Variants in OSBPL3 observed in about 807,000 individuals in gnomAD.
OSBPL3 encodes oxysterol-binding protein-related protein 3.
OSBPL3 carries 65 observed loss-of-function variants against 120.1 expected under a neutral mutation model. The observed-to-expected ratio is 0.54, with a 90% CI of 0.44 to 0.67. The LOEUF is 0.67. Among genes scored for constraint, OSBPL3 ranks in the 30% least tolerant of loss-of-function variants. OSBPL3 has a pLI of 0.00. For synonymous variants in OSBPL3, 416 were observed against 402.6 expected, an observed-to-expected ratio of 1.03 and a Z score of -0.40; for missense variants, 1,004 against 1,082.1, an observed-to-expected ratio of 0.93 and a Z score of 1.01.
At chr7:24,906,431 TGCA>T (rs1807931535) in intron 1 of OSBPL3, 1 of 233,090 alleles carries the variant, frequency 4.3e-6, no homozygotes, top group East Asian at 1.2e-4. Flanking sequence ...CTTGTTGAAG[TGCA>T]GCCATTGTTT....
Position 24,955,001 on chromosome 7 carries a change from C to G in OSBPL3, c.-150+24885G>C, listed in dbSNP as rs1814872219. Among the ~76,000 whole-genome samples the G allele has an allele frequency of 6.6e-6, 1 of 152,078 alleles. No homozygotes were observed. Among genetic ancestry groups the G allele is most frequent in the African/African-American group, 2.4e-5 (1 of 41,402 alleles). ...TGATCATGCCCTCCATAATCACAGC[C>G]TCAAAGATCCATAATGTGCCTTGGT... is the stretch of plus-strand genomic sequence containing the variant. On this transcript the variant is annotated intron_variant, in intron 1 of 22. Transcript: ENST00000313367. This position sits in a 1 kb window ranked among gnomAD's most constrained non-coding sequence, Gnocchi z 4.3.
rs759307944 is a variant in OSBPL3, at chr7:24,952,162, G to C, written c.-150+27724C>G. On this transcript the variant is annotated intron_variant, in intron 1 of 22. Coordinates refer to ENST00000313367, the MANE Select transcript of OSBPL3 (RefSeq NM_015550.4). The surrounding 1 kb of genome is among the most constrained non-coding windows in gnomAD (Gnocchi z 4.4). ...TCTTAGTCTTGGAATGCAATAGGCA[G>C]GAGGCACTTGAACTACCCAGACACT... is the stretch of plus-strand genomic sequence containing the variant. 6.6e-6 allele frequency among the ~76,000 whole-genome samples: 1 copy of C among 152,204 alleles called. No individual in the cohort carries two copies. Among genetic ancestry groups the C allele is most frequent in the Non-Finnish European group, 1.5e-5 (1 of 68,038 alleles).
rs1808952466 is a variant in OSBPL3, at chr7:24,912,400, C to T, written c.-149-19779G>A. Among the ~76,000 whole-genome samples the T allele has an allele frequency of 6.6e-6, 1 of 152,204 alleles. No individual in the cohort carries two copies. Among genetic ancestry groups the T allele is most frequent in the African/African-American group, 2.4e-5 (1 of 41,450 alleles). On this transcript the variant is annotated intron_variant, in intron 1 of 22. Transcript: ENST00000313367. This position sits in a 1 kb window ranked among gnomAD's most constrained non-coding sequence, Gnocchi z 4.5. ...ATTCAGCAACCAGGGCCTTGATCTT[C>T]CTTGCATATTCCCCTATGTTGCAGA...
intron 1 of OSBPL3, among the ~76,000 whole-genome samples, chr7:24,948,388 A>AT (rs5882958): frequency 0.61 from 91,980 of 150,840 alleles, 28,405 homozygotes; most frequent in East Asian, 0.86. Context: ...GATTTACCTC[A>AT]TTTTTTTTTT....
chr7:24,971,716 T>A (rs1817043882), intron 1 of OSBPL3, among the ~76,000 whole-genome samples: 1 of 152,226 alleles, frequency 6.6e-6, no homozygotes, highest in Non-Finnish European at 1.5e-5. Context: ...AGTGATAAAC[T>A]GGAATGATAG....
chr7:24,901,146 G>A (rs1806949368), intron 1 of OSBPL3, among the ~76,000 whole-genome samples: 1 of 151,952 alleles, frequency 6.6e-6, no homozygotes, highest in South Asian at 2.1e-4. Context: ...GGCCAACATA[G>A]AGAAACCCTG....
At chr7:24,970,133 G>A (rs1376437711) in intron 1 of OSBPL3, among the ~76,000 whole-genome samples, 3 of 113,960 alleles carry the variant, frequency 2.6e-5, no homozygotes, top group Non-Finnish European at 3.3e-5. Context: ...TTTTTGAGAC[G>A]GTGTCTCGCT....
At chr7:24,866,028 C>A in intron 6 of OSBPL3, 42 bp downstream of exon 6, 1 of 1,548,794 alleles carries the variant, frequency 6.5e-7, no homozygotes, top group Non-Finnish European at 8.9e-7. Flanking sequence ...TGAAACAAAG[C>A]CACCCCGTTC....
rs538844405 is a variant in OSBPL3, at chr7:24,821,082, T to C, written c.1885-844A>G. On this transcript the variant is annotated intron_variant, in intron 16 of 22. Transcript: ENST00000313367. This position sits in a 1 kb window ranked among gnomAD's most constrained non-coding sequence, Gnocchi z 5.5. ...GGAACGTTGAGAGGTGTATATGCTGTCATTCTAATTCAGCACTGGTGAAAC... is the reference window on the plus strand; with the variant it reads ...GGAACGTTGAGAGGTGTATATGCTGCCATTCTAATTCAGCACTGGTGAAAC... 1.3e-5 allele frequency among the ~76,000 whole-genome samples: 2 copies of C among 152,228 alleles called. No homozygotes were observed. Among genetic ancestry groups the C allele is most frequent in the Non-Finnish European group, 2.9e-5 (2 of 68,040 alleles).
rs900076903 is a variant in OSBPL3 at position 24,815,527 on chromosome 7, T to A, written c.2028-324A>T. Reference sequence around the variant, plus strand: ...GGCAATTCAGAGCCAGAGGGGCTTGTCTAATGTTGCTGAACTAGGAAAGGG... The same window carrying A: ...GGCAATTCAGAGCCAGAGGGGCTTGACTAATGTTGCTGAACTAGGAAAGGG... On this transcript the variant is annotated intron_variant, in intron 18 of 22. Transcript: ENST00000313367. This position sits in a 1 kb window ranked among gnomAD's most constrained non-coding sequence, Gnocchi z 5.1. 6.6e-6 allele frequency among the ~76,000 whole-genome samples: 1 copy of A among 152,198 alleles called. No individual in the cohort carries two copies. Among genetic ancestry groups the A allele is most frequent in the Non-Finnish European group, 1.5e-5 (1 of 68,030 alleles).
Position 24,873,046 on chromosome 7 carries a change from T to A in OSBPL3, c.97-977A>T, listed in dbSNP as rs1488238948. Among the ~76,000 whole-genome samples, 1 of 152,192 alleles carries A rather than the reference T, an allele frequency of 6.6e-6. No individual in the cohort carries two copies. Among genetic ancestry groups the A allele is most frequent in the Non-Finnish European group, 1.5e-5 (1 of 68,038 alleles). ...TAAATTTTTACATTTATACATATAC[T>A]CAGTAACTGCCAGCCAAACCCGACA... On this transcript the variant is annotated intron_variant, in intron 2 of 22. Coordinates refer to ENST00000313367, the MANE Select transcript of OSBPL3 (RefSeq NM_015550.4). This position sits in a 1 kb window ranked among gnomAD's most constrained non-coding sequence, Gnocchi z 4.1.
At chr7:24,807,461 C>G (rs1446106039) in intron 20 of OSBPL3, among the ~76,000 whole-genome samples, 1 of 151,986 alleles carries the variant, frequency 6.6e-6, no homozygotes, top group Non-Finnish European at 1.5e-5. Flanking sequence ...CCACTGCATT[C>G]CAGCCTGGGC....
rs147811785 is a variant in OSBPL3 at position 24,979,261 on chromosome 7, G to A, written c.-150+625C>T. Among the ~76,000 whole-genome samples the A allele has an allele frequency of 8.4e-3, 1,260 of 149,930 alleles. 26 individuals are homozygous for A. The highest frequency in any genetic ancestry group is 0.029 in the African/African-American group (1,180 of 40,566). ...CGAGAGTTAGGGTGAGCCTGAAGGT[G>A]ATCTGAACAGTAGTAATTGGAAACT... is the stretch of plus-strand genomic sequence containing the variant. On this transcript the variant is annotated intron_variant, in intron 1 of 22. Transcript: ENST00000313367.
intron 19 of OSBPL3, among the ~76,000 whole-genome samples, chr7:24,811,083 A>G (rs1193953209): frequency 6.6e-6 from 1 of 152,180 alleles, no homozygotes; most frequent in Non-Finnish European, 1.5e-5. Flanking sequence ...TTCCATTTCT[A>G]ATTGTTTTTA....
At position 24,939,838 on chromosome 7, in the gene OSBPL3, G is replaced by A. The variant is rs112965636; in HGVS notation, c.-150+40048C>T. Among the ~76,000 whole-genome samples the A allele has an allele frequency of 7.0e-3, 1,072 of 152,238 alleles. 10 individuals carry two copies. The highest frequency in any genetic ancestry group is 0.011 in the Non-Finnish European group (747 of 67,998). On this transcript the variant is annotated intron_variant, in intron 1 of 22. Coordinates refer to ENST00000313367, the MANE Select transcript of OSBPL3 (RefSeq NM_015550.4). The surrounding 1 kb of genome is among the most constrained non-coding windows in gnomAD (Gnocchi z 4.2). ...CAGGGGGCTATAACTAAAGTTAGGA[G>A]GGTGGGAGGAAAGAGGAGGGAGAGC...
chr7:24,886,588 T>G (rs1247377235), intron 2 of OSBPL3, among the ~76,000 whole-genome samples: 1 of 152,238 alleles, frequency 6.6e-6, no homozygotes, highest in Non-Finnish European at 1.5e-5. Context: ...TTCAATAAAT[T>G]CAGTCCGACG....
In OSBPL3 at chr7:24,861,717, A is replaced by T; in HGVS notation, c.923T>A (p.Leu308Ter). 6.2e-7 allele frequency: 1 copy of T among 1,612,376 alleles called. No individual in the cohort carries two copies. Among genetic ancestry groups the T allele is most frequent in the Non-Finnish European group, 8.5e-7 (1 of 1,178,764 alleles). Residue 308 changes from leucine (L) to a stop codon, truncating the protein, a stop_gained, in exon 10 of 23, where the codon TTG becomes TAG. Transcript: ENST00000313367. LOFTEE classifies it high-confidence loss of function. ...CTCTTCTCCAAAATCTAGTGTTGACAAATTAGGATTGGAGGAGTGTAGTCT... is the reference window on the plus strand; with the variant it reads ...CTCTTCTCCAAAATCTAGTGTTGACTAATTAGGATTGGAGGAGTGTAGTCT... ...PVRLHSSNPN[L>*]STLDFGEEKN... is the part of the protein sequence containing the mutation.
Position 24,797,605 on chromosome 7 carries a change from T to A in OSBPL3, c.*2578A>T, listed in dbSNP as rs181198943. On this transcript the variant is annotated 3_prime_UTR_variant, in exon 23 of 23. Coordinates refer to ENST00000313367, the MANE Select transcript of OSBPL3 (RefSeq NM_015550.4). The surrounding 1 kb of genome is among the most constrained non-coding windows in gnomAD (Gnocchi z 4.8). Reference sequence around the variant, plus strand: ...GACTGTTAGCTCATTTCTGAATGGATTTCCTGCAGCGTGGGGTAGTCGACA... The same window carrying A: ...GACTGTTAGCTCATTTCTGAATGGAATTCCTGCAGCGTGGGGTAGTCGACA... 3 of 152,104 alleles carry A rather than the reference T, an allele frequency of 2.0e-5. No homozygotes were observed. Among genetic ancestry groups the A allele is most frequent in the African/African-American group, 7.2e-5 (3 of 41,418 alleles). 9.4% of individuals were successfully genotyped at this position (152,104 alleles called of 1,614,324 possible). A position where few individuals can be genotyped will look rare whatever the true frequency, so the allele number is the denominator to read the frequency against.
chr7:24,943,860 T>C (rs1393457522), intron 1 of OSBPL3, among the ~76,000 whole-genome samples: 1 of 152,194 alleles, frequency 6.6e-6, no homozygotes, highest in East Asian at 1.9e-4. Context: ...TTTTGAATCT[T>C]GATATTTATC....
Sources: gnomAD v4.1 joint callset for allele counts (sites outside exome capture counted in the v4.1 genomes callset) on GRCh38, gnomAD v4.1.1 for gene constraint, Gnocchi (gnomAD v3.1) non-coding constraint, MANE v1.5 for transcripts, NCBI Gene and HGNC (gene_info 2026-07-23, HGNC 2026-07-21) for gene names.